VPS13B: variants seen among roughly 807,000 people sequenced by gnomAD.
VPS13B encodes vacuolar protein sorting 13 homolog B.
In VPS13B, 285 loss-of-function variants were observed where a neutral mutation model predicts 426.4. The observed-to-expected ratio is 0.67, with a 90% CI of 0.61 to 0.74. The LOEUF (loss-of-function observed/expected upper bound fraction) is 0.74. VPS13B is among the 30% of genes least tolerant of loss of function. The pLI, the probability that VPS13B is intolerant of heterozygous loss-of-function variation, is 0.00. For missense variants in VPS13B, 4,537 were observed against 4,782.6 expected (o/e 0.95, Z 1.51); for synonymous variants, 1,676 against 1,676.4 (o/e 1.00, Z 0.01).
At position 99,106,412 on chromosome 8, in the gene VPS13B, G is replaced by T. The variant is rs1376643106; in HGVS notation, c.580+3292G>T. Among the ~76,000 whole-genome samples, 3 of 133,816 alleles carry T rather than the reference G, an allele frequency of 2.2e-5. No homozygotes were observed. In the Admixed American group the frequency reaches 2.4e-4, roughly 11 times the overall value. The allele number at this position is 133,816 out of a possible 152,430, so 87.8% of individuals were successfully genotyped here. On this transcript the variant is annotated intron_variant, in intron 5 of 61. Transcript: ENST00000357162. Reference sequence around the variant, plus strand: ...ATTGTGCCACTGCACTCTAGCCTTGGCGATAGAGTGAGACTCCACCTCAAA... The same window carrying T: ...ATTGTGCCACTGCACTCTAGCCTTGTCGATAGAGTGAGACTCCACCTCAAA...
intron 33 of VPS13B, among the ~76,000 whole-genome samples, chr8:99,607,773 A>G (rs1417144001): frequency 6.6e-6 from 1 of 152,160 alleles, no homozygotes; most frequent in African/African-American, 2.4e-5. Context: ...TTTACCATAT[A>G]AAAATTAAAA....
chr8:99,576,158 ATAAT>A (rs886388723), intron 32 of VPS13B, among the ~76,000 whole-genome samples: 18 of 152,108 alleles, frequency 1.2e-4, no homozygotes, highest in Non-Finnish European at 1.5e-5. Context: ...AATAGAAGAA[ATAAT>A]TATAAGAGGA....
At chr8:99,382,066 A>G (rs1813844965) in intron 19 of VPS13B, among the ~76,000 whole-genome samples, 1 of 152,258 alleles carries the variant, frequency 6.6e-6, no homozygotes, top group Admixed American at 6.5e-5. Context: ...TTCCAGCACC[A>G]TTTATTGCGT....
chr8:99,765,291 G>T (rs1021115729), intron 39 of VPS13B, among the ~76,000 whole-genome samples: 1 of 152,166 alleles, frequency 6.6e-6, no homozygotes, highest in Non-Finnish European at 1.5e-5. Context: ...TACTCAGACC[G>T]ATCAGTCTTC....
At chr8:99,302,918 G>C (rs919227220) in intron 19 of VPS13B, among the ~76,000 whole-genome samples, 1 of 152,166 alleles carries the variant, frequency 6.6e-6, no homozygotes, top group East Asian at 1.9e-4. Context: ...AAAATCCTAA[G>C]TTGAACCAAC....
intron 31 of VPS13B, among the ~76,000 whole-genome samples, chr8:99,558,141 C>T (rs1824689770): frequency 6.6e-6 from 1 of 152,120 alleles, no homozygotes; most frequent in South Asian, 2.1e-4. Flanking sequence ...ATGGATTATG[C>T]AACGCTTATC....
intron 19 of VPS13B, among the ~76,000 whole-genome samples, chr8:99,360,184 TTCTTTCTCTC>T (rs1208380895): frequency 2.4e-3 from 84 of 35,244 alleles, no homozygotes; most frequent in South Asian, 8.2e-3. Context: ...CTTTCTTTCT[TTCTTTCTCTC>T]TCTCTCTCTC....
At chr8:99,503,782 C>A (rs1169887611) in intron 27 of VPS13B, among the ~76,000 whole-genome samples, 1 of 152,184 alleles carries the variant, frequency 6.6e-6, no homozygotes, top group African/African-American at 2.4e-5. Flanking sequence ...CCATTACTTC[C>A]TCCAGTGAGG....
intron 42 of VPS13B, among the ~76,000 whole-genome samples, chr8:99,783,543 A>G (rs1463164327): frequency 1.3e-5 from 2 of 152,210 alleles, no homozygotes; most frequent in South Asian, 2.1e-4. Context: ...ACAGCAACCA[A>G]TGGAGGCACC....
At chr8:99,020,163 T>C (rs200130810) in intron 2 of VPS13B, among the ~76,000 whole-genome samples, 7 of 141,504 alleles carry the variant, frequency 4.9e-5, no homozygotes, top group Non-Finnish European at 9.4e-5. Flanking sequence ...TTTTTTTTTT[T>C]AAATATAGCT....
At chr8:99,103,585 A>G (rs1588039692) in intron 5 of VPS13B, among the ~76,000 whole-genome samples, 1 of 128,758 alleles carries the variant, frequency 7.8e-6, no homozygotes. Flanking sequence ...TGCAAGTTCC[A>G]CCTCCCCGGG....
intron 20 of VPS13B, among the ~76,000 whole-genome samples, chr8:99,390,893 A>G (rs1322818069): frequency 6.6e-6 from 1 of 152,204 alleles, no homozygotes; most frequent in African/African-American, 2.4e-5. Flanking sequence ...AAGATGAAAC[A>G]GCTGCTTTAT....
At chr8:99,075,992 A>G (rs1845100034) in intron 3 of VPS13B, among the ~76,000 whole-genome samples, 1 of 151,888 alleles carries the variant, frequency 6.6e-6, no homozygotes, top group Non-Finnish European at 1.5e-5. Context: ...TGTTGTAGGC[A>G]TTTATTGCTA....
In VPS13B at chr8:99,274,284, T is replaced by G. The variant is rs753040151; in HGVS notation, c.2602T>G (p.Cys868Gly). 5 of 1,614,044 alleles carry G rather than the reference T, an allele frequency of 3.1e-6. No individual in the cohort carries two copies. The highest frequency in any genetic ancestry group is 4.2e-6 in the Non-Finnish European group (5 of 1,180,028). ...LKYCSTSLVK[C>G]ASGTMGSIKI... ...GTACTGCAGCACATCATTGGTCAAA[T>G]GTGCCTCTGGGACCATGGGATCAAT... Residue 868 changes from cysteine (C) to glycine (G), a missense_variant, in exon 18 of 62, where the codon TGT (cysteine) becomes GGT (glycine). By Grantham distance (159) the Cys-to-Gly change is radical (BLOSUM62 -3). Around this residue, in one of 2 missense-constraint regions of VPS13B, gnomAD observed 4,311 missense variants for 4,474.3 expected, o/e 0.96. Coordinates refer to ENST00000357162, the MANE Select transcript of VPS13B (RefSeq NM_152564.5).
chr8:99,384,358 T>A (rs767065907), intron 20 of VPS13B, 41 bp downstream of exon 20: 131 of 1,491,466 alleles, frequency 8.8e-5, no homozygotes, highest in Non-Finnish European at 1.2e-4. Flanking sequence ...AACAAATATT[T>A]TTCTTATTCA....
rs182693822 is a variant in VPS13B, at chr8:99,730,021, C to T, written c.7050+8974C>T. On this transcript the variant is annotated intron_variant, in intron 39 of 61. Coordinates refer to ENST00000357162, the MANE Select transcript of VPS13B (RefSeq NM_152564.5). ...GTTATTTGCAATTGAATATGATTTGCCTCTTCCACACATAGCTTAAAAAGA... is the reference window on the plus strand; with the variant it reads ...GTTATTTGCAATTGAATATGATTTGTCTCTTCCACACATAGCTTAAAAAGA... Among the ~76,000 whole-genome samples the T allele has an allele frequency of 1.5e-3, 222 of 152,296 alleles. 2 individuals are homozygous for T. The Middle Eastern group carries it at 0.041, about 28-fold the overall frequency.
In VPS13B at chr8:99,556,583, T is replaced by C. The variant is rs967654949; in HGVS notation, c.4879T>C (p.Ser1627Pro). The C allele has an allele frequency of 1.4e-5, 23 of 1,612,988 alleles. No individual in the cohort carries two copies. Among genetic ancestry groups the C allele is most frequent in the African/African-American group, 4.0e-5 (3 of 74,844 alleles). ...ACTAAAACCAGAGAAGGAAAGTGTC[T>C]CAGGAGGGGTGGTAACAGAGACTGA... ...HQLKPEKESV[S>P]GGVVTETERN... is the part of the protein sequence containing the mutation. The change falls in exon 31 of 62, where the codon TCA (serine) becomes CCA (proline). Residue 1627 changes from serine to proline, a missense_variant. Transcript: ENST00000357162.
intron 19 of VPS13B, among the ~76,000 whole-genome samples, chr8:99,375,748 A>G (rs1259761278): frequency 6.6e-6 from 1 of 152,190 alleles, no homozygotes; most frequent in Non-Finnish European, 1.5e-5. Flanking sequence ...GTAGCACATA[A>G]TTTCTTAGGA....
chr8:99,656,360 C>T (rs1199456341), intron 34 of VPS13B, among the ~76,000 whole-genome samples: 1 of 152,168 alleles, frequency 6.6e-6, no homozygotes, highest in Non-Finnish European at 1.5e-5. Flanking sequence ...ATGTGCTCAT[C>T]AACATCAGCA....
Sources: allele counts gnomAD v4.1 joint callset (sites outside exome capture counted in the v4.1 genomes callset), GRCh38; gene constraint gnomAD v4.1.1; regional missense constraint gnomAD v4.1.1; transcripts MANE v1.5; gene names NCBI Gene and HGNC (gene_info 2026-07-23, HGNC 2026-07-21).